The following ZMIZ1 variants were observed in gnomAD, a reference collection of about 807,000 sequenced individuals.
ZMIZ1 encodes zinc finger MIZ domain-containing protein 1.
A neutral mutation model predicts 113.9 loss-of-function variants in ZMIZ1; 17 were observed. The ratio of observed to expected loss-of-function variants is 0.15; its 90% CI spans 0.10 to 0.22. ZMIZ1 has a LOEUF of 0.22. ZMIZ1 is among the 10% of genes least tolerant of loss of function. The probability of loss-of-function intolerance (pLI) is 1.00; values close to 1 mark genes in which losing one functional copy is unlikely to be tolerated. For synonymous variants in ZMIZ1, 607 were observed against 603.1 expected (o/e 1.01, Z -0.09); for missense variants, 1,059 against 1,477.8 (o/e 0.72, Z 4.65).
At chr10:79,159,385 C>T (rs1276368592) in intron 3 of ZMIZ1, among the ~76,000 whole-genome samples, 1 of 152,218 alleles carries the variant, frequency 6.6e-6, no homozygotes, top group African/African-American at 2.4e-5. Flanking sequence ...CCTGAGCCCC[C>T]CTTTCGCAGC....
At chr10:79,279,582 A>G (rs1463921611) in intron 8 of ZMIZ1, among the ~76,000 whole-genome samples, 1 of 152,218 alleles carries the variant, frequency 6.6e-6, no homozygotes, top group African/African-American at 2.4e-5. Flanking sequence ...CAGAGGCTGC[A>G]ATCTCGGCAC....
chr10:79,285,194 G>A (rs1173406136), intron 8 of ZMIZ1, among the ~76,000 whole-genome samples: 1 of 152,250 alleles, frequency 6.6e-6, no homozygotes, highest in Non-Finnish European at 1.5e-5. Flanking sequence ...TGCTACCTCT[G>A]TGAGCCCCAG....
intron 4 of ZMIZ1, among the ~76,000 whole-genome samples, chr10:79,167,483 C>G (rs1248193240): frequency 6.6e-6 from 1 of 152,106 alleles, no homozygotes; most frequent in South Asian, 2.1e-4. Flanking sequence ...CCACTGCTGT[C>G]CTGCAGGACA....
At chr10:79,127,247 C>T (rs908138728) in intron 2 of ZMIZ1, among the ~76,000 whole-genome samples, 1 of 152,146 alleles carries the variant, frequency 6.6e-6, no homozygotes, top group Non-Finnish European at 1.5e-5. Context: ...AGGTGTGGCT[C>T]CTCCCCATAG....
chr10:79,158,659 G>C (rs1408088820), intron 3 of ZMIZ1, among the ~76,000 whole-genome samples: 1 of 152,226 alleles, frequency 6.6e-6, no homozygotes, highest in Admixed American at 6.5e-5. Context: ...CTCTGGGTCA[G>C]ACTCAGCCCC....
intron 1 of ZMIZ1, among the ~76,000 whole-genome samples, chr10:79,105,239 C>T (rs1396010666): frequency 6.6e-6 from 1 of 152,216 alleles, no homozygotes; most frequent in Non-Finnish European, 1.5e-5. Context: ...CCGCAGGTCA[C>T]AGCGACTCTG....
At chr10:79,278,561 T>A (rs1452428731) in intron 8 of ZMIZ1, among the ~76,000 whole-genome samples, 1 of 151,486 alleles carries the variant, frequency 6.6e-6, no homozygotes, top group African/African-American at 2.4e-5. Context: ...AGGTCTCTGG[T>A]TTTCCTAGGC....
intron 17 of ZMIZ1, among the ~76,000 whole-genome samples, chr10:79,301,476 CT>C (rs1048185081): frequency 5.3e-5 from 8 of 152,258 alleles, no homozygotes; most frequent in African/African-American, 1.9e-4. Context: ...CTCATGTCCC[CT>C]GAAGATCAGG....
chr10:79,081,799 G>A (rs56196126), intron 1 of ZMIZ1, among the ~76,000 whole-genome samples: 2 of 152,132 alleles, frequency 1.3e-5, no homozygotes, highest in Non-Finnish European at 2.9e-5. Context: ...GGGGGCTGTC[G>A]CACGAGTCCA....
chr10:79,298,665 G>C, intron 15 of ZMIZ1, 85 bp downstream of exon 15: 1 of 1,290,766 alleles, frequency 7.7e-7, no homozygotes, highest in African/African-American at 1.5e-5. Flanking sequence ...CAGGCTGCCT[G>C]GGGAGTGGGC....
intron 4 of ZMIZ1, among the ~76,000 whole-genome samples, chr10:79,195,409 C>A (rs984878714): frequency 6.6e-6 from 1 of 152,246 alleles, no homozygotes; most frequent in Non-Finnish European, 1.5e-5. Flanking sequence ...TGGTCTCACC[C>A]CCCATTCAGG....
At chr10:79,072,687 C>G (rs577558107) in intron 1 of ZMIZ1, among the ~76,000 whole-genome samples, 40 of 152,338 alleles carry the variant, frequency 2.6e-4, no homozygotes, top group African/African-American at 8.4e-4. Flanking sequence ...CCTGCTGGTT[C>G]GTGGCTGGGT....
chr10:79,211,649 G>T (rs779794821), intron 6 of ZMIZ1, among the ~76,000 whole-genome samples: 1 of 152,164 alleles, frequency 6.6e-6, no homozygotes, highest in Non-Finnish European at 1.5e-5. Flanking sequence ...AGTGACCCCA[G>T]ACCTGGCCCT....
At chr10:79,222,840 C>T (rs777618181) in intron 7 of ZMIZ1, among the ~76,000 whole-genome samples, 3 of 152,184 alleles carry the variant, frequency 2.0e-5, no homozygotes, top group Admixed American at 1.3e-4. Context: ...GAGAGTGCTC[C>T]AGCCTTCAGA....
intron 22 of ZMIZ1, 112 bp from the exon 23 acceptor site, chr10:79,307,293 C>T: frequency 2.7e-6 from 3 of 1,112,522 alleles, no homozygotes; most frequent in Non-Finnish European, 3.9e-6. Context: ...CCTACTACAG[C>T]CTCGCAAGAG....
At chr10:79,240,797 G>C (rs1245793969) in intron 7 of ZMIZ1, among the ~76,000 whole-genome samples, 5 of 151,826 alleles carry the variant, frequency 3.3e-5, no homozygotes, top group African/African-American at 1.2e-4. Flanking sequence ...TAGGGAGACT[G>C]GCAGGTTGTC....
chr10:79,086,536 C>G (rs1286476238), intron 1 of ZMIZ1, among the ~76,000 whole-genome samples: 1 of 152,170 alleles, frequency 6.6e-6, no homozygotes, highest in Non-Finnish European at 1.5e-5. Flanking sequence ...TTTGTAGAAA[C>G]TGGGTCTCAG....
At chr10:79,120,859 C>T (rs1844261273) in intron 2 of ZMIZ1, among the ~76,000 whole-genome samples, 1 of 152,210 alleles carries the variant, frequency 6.6e-6, no homozygotes, top group East Asian at 1.9e-4. Flanking sequence ...CTGCCTCCAC[C>T]AAGGTGGTGG....
chr10:79,115,717 A>G (rs769123604), intron 1 of ZMIZ1, among the ~76,000 whole-genome samples: 2 of 152,180 alleles, frequency 1.3e-5, no homozygotes, highest in African/African-American at 4.8e-5. Flanking sequence ...TGGAGCTGCA[A>G]ATGTGGGGGC....
Sources: gnomAD v4.1 joint callset for allele counts (sites outside exome capture counted in the v4.1 genomes callset) on GRCh38, gnomAD v4.1.1 for gene constraint, MANE v1.5 for transcripts, NCBI Gene and HGNC (gene_info 2026-07-23, HGNC 2026-07-21) for gene names.